The following GBE1 variants were observed in gnomAD, a reference collection of about 807,000 sequenced individuals.
GBE1 encodes 1,4-alpha-glucan branching enzyme 1.
Under a neutral mutation model 88.8 loss-of-function variants are expected in GBE1, and 70 were observed. The observed-to-expected ratio is 0.79, with a 90% confidence interval of 0.65 to 0.96. The LOEUF (loss-of-function observed/expected upper bound fraction) is 0.96. GBE1 is among the 40% of genes least tolerant of loss of function. The pLI, the probability that GBE1 is intolerant of heterozygous loss-of-function variation, is 0.00. For missense variants in GBE1, 872 were observed against 871.0 expected (o/e 1.00, Z -0.01); for synonymous variants, 284 against 300.1 (o/e 0.95, Z 0.56).
chr3:81,584,563 T>A (rs951270190), intron 10 of GBE1, among the ~76,000 whole-genome samples: 1 of 152,052 alleles, frequency 6.6e-6, no homozygotes, highest in African/African-American at 2.4e-5. Context: ...AATAATTACA[T>A]AAAATAGAAG....
At chr3:81,625,427 A>G (rs1232486624) in intron 7 of GBE1, among the ~76,000 whole-genome samples, 1 of 152,044 alleles carries the variant, frequency 6.6e-6, no homozygotes, top group Non-Finnish European at 1.5e-5. Context: ...AAGTACCAAT[A>G]AAAAATAAAA....
chr3:81,552,337 G>A (rs1251653619), intron 12 of GBE1, among the ~76,000 whole-genome samples: 1 of 152,054 alleles, frequency 6.6e-6, no homozygotes, highest in Non-Finnish European at 1.5e-5. Context: ...GGCCAGCATG[G>A]CGAAATCCTG....
At chr3:81,706,358 AC>A (rs1349371455) in intron 1 of GBE1, among the ~76,000 whole-genome samples, 1 of 152,128 alleles carries the variant, frequency 6.6e-6, no homozygotes, top group Non-Finnish European at 1.5e-5. Context: ...CCTGCTCCTG[AC>A]CCTCTCCCAG....
chr3:81,710,230 A>ATTTTTT (rs375326721), intron 1 of GBE1, among the ~76,000 whole-genome samples: 19 of 74,718 alleles, frequency 2.5e-4, no homozygotes, highest in East Asian at 2.0e-3. Context: ...AAGGTAATTA[A>ATTTTTT]TCTTTTTTTT....
chr3:81,572,939 G>C (rs181081884), intron 12 of GBE1, among the ~76,000 whole-genome samples: 1 of 152,196 alleles, frequency 6.6e-6, no homozygotes, highest in East Asian at 1.9e-4. Flanking sequence ...TCAGCTGACT[G>C]AATTAGGAAA....
chr3:81,531,872 AGCT>A (rs1237312922), intron 14 of GBE1, among the ~76,000 whole-genome samples: 1 of 152,046 alleles, frequency 6.6e-6, no homozygotes, highest in East Asian at 1.9e-4. Flanking sequence ...TGTTGGGTCT[AGCT>A]GGAACTCAGG....
chr3:81,535,012 T>C, intron 14 of GBE1, 183 bp downstream of exon 14: 1 of 576,938 alleles, frequency 1.7e-6, no homozygotes, highest in South Asian at 2.3e-5. Context: ...TTAGGAATAA[T>C]TCAGTATAAC....
intron 2 of GBE1, among the ~76,000 whole-genome samples, chr3:81,679,170 A>G (rs914524807): frequency 6.6e-6 from 1 of 152,146 alleles, no homozygotes; most frequent in Non-Finnish European, 1.5e-5. Flanking sequence ...AAAAATAAAA[A>G]TGAATGTTAT....
At chr3:81,585,968 A>T (rs1559653284) in intron 10 of GBE1, 124 bp downstream of exon 10, 9 of 566,048 alleles carry the variant, frequency 1.6e-5, no homozygotes, top group Non-Finnish European at 2.4e-5. Flanking sequence ...CGACAGACTA[A>T]TGAAAGAATT....
Position 81,489,781 on chromosome 3 carries a change from G to A in GBE1, c.*626C>T, listed in dbSNP as rs368699835. 9 of 152,174 alleles carry A rather than the reference G, an allele frequency of 5.9e-5. No individual in the cohort carries two copies. The East Asian group carries it at 1.7e-3, about 29-fold the overall frequency. 9.4% of individuals were successfully genotyped at this position (152,174 alleles called of 1,614,324 possible). A position where few individuals can be genotyped will look rare whatever the true frequency, so the allele number is the denominator to read the frequency against. On this transcript the variant is annotated 3_prime_UTR_variant, in exon 16 of 16. Coordinates refer to ENST00000429644, the MANE Select transcript of GBE1 (RefSeq NM_000158.4). ...AATTACCATTTCAGGGCTTCAGAAA[G>A]ACTGAGATACTGGCATTTAACAAGA... is the stretch of plus-strand genomic sequence containing the variant.
intron 1 of GBE1, among the ~76,000 whole-genome samples, chr3:81,726,731 G>A (rs972802313): frequency 3.3e-5 from 5 of 151,730 alleles, no homozygotes; most frequent in East Asian, 1.9e-4. Context: ...ACAGGCATGC[G>A]CCACCATGCC....
At chr3:81,688,406 A>C (rs989323112) in intron 2 of GBE1, among the ~76,000 whole-genome samples, 1 of 152,252 alleles carries the variant, frequency 6.6e-6, no homozygotes, top group Non-Finnish European at 1.5e-5. Flanking sequence ...CCCACAGAAT[A>C]AGTACTCAAC....
rs528262624 is a variant in GBE1, at chr3:81,649,429, C to T, written c.555+367G>A. Among the ~76,000 whole-genome samples, 53 of 152,082 alleles carry T rather than the reference C, an allele frequency of 3.5e-4. 1 individual carries two copies. The highest frequency in any genetic ancestry group is 3.4e-3 in the Middle Eastern group (1 of 294). On this transcript the variant is annotated intron_variant, in intron 4 of 15. Coordinates refer to ENST00000429644, the MANE Select transcript of GBE1 (RefSeq NM_000158.4). ...ATTCATGAGATGGTCTTCCCCATTC[C>T]GTGTTTCTAAGGACATTGATCCTAA...
intron 1 of GBE1, among the ~76,000 whole-genome samples, chr3:81,723,870 C>T (rs564610132): frequency 2.6e-5 from 4 of 152,328 alleles, no homozygotes; most frequent in South Asian, 4.1e-4. Context: ...TTCCTGCTCA[C>T]GGCCAGTATG....
intron 7 of GBE1, among the ~76,000 whole-genome samples, chr3:81,641,436 CTT>C (rs1704676820): frequency 1.3e-5 from 2 of 152,196 alleles, no homozygotes; most frequent in South Asian, 2.1e-4. Context: ...CAGATTTAGT[CTT>C]TTTTATTTGC....
intron 10 of GBE1, among the ~76,000 whole-genome samples, chr3:81,582,770 A>G (rs1339198173): frequency 6.6e-6 from 1 of 152,104 alleles, no homozygotes; most frequent in African/African-American, 2.4e-5. Context: ...GGGCTTAAAT[A>G]TAAAAAATAA....
At chr3:81,739,215 G>A (rs1706314922) in intron 1 of GBE1, among the ~76,000 whole-genome samples, 1 of 152,144 alleles carries the variant, frequency 6.6e-6, no homozygotes, top group Admixed American at 6.6e-5. Context: ...CATTCAGACT[G>A]CAGCACATAG....
rs1324981448 is a variant in GBE1 at position 81,721,232 on chromosome 3, T to TAAAA, written c.144-15623_144-15620dup. ...ATAAATAAATAAATAAATAAATAAA[T>TAAAA]AAAAACACATGAAAAAAAAAAAAAA... On this transcript the variant is annotated intron_variant, in intron 1 of 15. Coordinates refer to ENST00000429644, the MANE Select transcript of GBE1 (RefSeq NM_000158.4). 5.9e-5 allele frequency among the ~76,000 whole-genome samples: 6 copies of TAAAA among 101,246 alleles called. 1 individual carries two copies. The highest frequency in any genetic ancestry group is 5.9e-4 in the South Asian group (2 of 3,396). The allele number at this position is 101,246 out of a possible 152,430, so 66.4% of individuals were successfully genotyped here.
intron 14 of GBE1, among the ~76,000 whole-genome samples, chr3:81,513,406 G>A (rs776067322): frequency 1.3e-5 from 2 of 151,330 alleles, no homozygotes; most frequent in East Asian, 1.9e-4. Flanking sequence ...GGTGAAATGG[G>A]AACTAGGACA....
Sources: allele counts gnomAD v4.1 joint callset (sites outside exome capture counted in the v4.1 genomes callset), GRCh38; gene constraint gnomAD v4.1.1; transcripts MANE v1.5; gene names NCBI Gene and HGNC (gene_info 2026-07-23, HGNC 2026-07-21).